The following DLL4 variants were observed in gnomAD, a reference collection of about 807,000 sequenced individuals.
DLL4 encodes delta-like protein 4.
In DLL4, 7 loss-of-function variants were observed where a neutral mutation model predicts 73.6. That is an observed-to-expected ratio of 0.10 (90% confidence interval 0.05 to 0.18). The LOEUF is 0.18. DLL4 is among the 10% of genes least tolerant of loss of function. The pLI is 1.00. For missense variants in DLL4, 614 were observed against 929.9 expected (o/e 0.66, Z 4.42); for synonymous variants, 345 against 374.3 (o/e 0.92, Z 0.90).
At chr15:40,932,028 T>A (rs1270913344) in intron 4 of DLL4, 143 bp from the exon 5 acceptor site, 8 of 1,013,168 alleles carry the variant, frequency 7.9e-6, no homozygotes, top group Admixed American at 2.5e-5. Flanking sequence ...TATTTCACTT[T>A]AAGACACTCG....
Position 40,929,354 on chromosome 15 carries a change from G to T in DLL4, c.-315G>T. ...GCGCAGGTTTCAGTAGCGGCGCTGC[G>T]CGCAGGCCGGGAACACGAGGCCAAG... On this transcript the variant is annotated 5_prime_UTR_variant, in exon 1 of 11. Transcript: ENST00000249749. This position sits in a 1 kb window ranked among gnomAD's most constrained non-coding sequence, Gnocchi z 7.1. 2.5e-6 allele frequency: 1 copy of T among 404,246 alleles called. No individual in the cohort carries two copies. The highest frequency in any genetic ancestry group is 3.9e-5 in the East Asian group (1 of 25,940). The allele number at this position is 404,246 out of a possible 1,614,324, so 25.0% of individuals were successfully genotyped here.
chr15:40,931,935 C>T (rs551222020), intron 4 of DLL4, among the ~76,000 whole-genome samples, 169 bp downstream of exon 4: 3 of 152,324 alleles, frequency 2.0e-5, no homozygotes, highest in South Asian at 4.1e-4. Flanking sequence ...TGTCTCTTCC[C>T]AGTGCTCCTC....
intron 3 of DLL4, chr15:40,931,134 C>T (rs1029931274): frequency 2.6e-5 from 10 of 381,510 alleles, no homozygotes; most frequent in Non-Finnish European, 4.3e-5. Flanking sequence ...CACCAAAGGA[C>T]CCCCTGCTCC....
Position 40,929,558 on chromosome 15 carries a change from G to A in DLL4, c.-111G>A. The stretch of plus-strand genomic sequence containing the variant: ...AGGCCAAAGGGGAGCAGCGTCCCGA[G>A]AGGAGCGCCTCTTTTCAGGGACCCC... On this transcript the variant is annotated 5_prime_UTR_variant, in exon 1 of 11. Transcript: ENST00000249749. This position sits in a 1 kb window ranked among gnomAD's most constrained non-coding sequence, Gnocchi z 7.1. 1 of 1,016,250 alleles carries A rather than the reference G, an allele frequency of 9.8e-7. No homozygotes were observed. Among genetic ancestry groups the A allele is most frequent in the South Asian group, 1.7e-5 (1 of 59,214 alleles). The allele number at this position is 1,016,250 out of a possible 1,614,324, so 63.0% of individuals were successfully genotyped here. A position where few individuals can be genotyped will look rare whatever the true frequency, so the allele number is the denominator to read the frequency against.
intron 6 of DLL4, among the ~76,000 whole-genome samples, chr15:40,933,296 G>GTGTC (rs1340815378): frequency 4.6e-5 from 7 of 151,860 alleles, no homozygotes; most frequent in African/African-American, 1.7e-4. Flanking sequence ...GTGTGTGTGT[G>GTGTC]TGTCTGTCCC....
rs933591400 is a variant in DLL4 at position 40,935,025 on chromosome 15, G to A, written c.1148G>A (p.Gly383Glu). ...NGGSCRERNQGANYACECPPN... is the reference protein window; with the variant it reads ...NGGSCRERNQEANYACECPPN... ...GGCTCCTGCCGGGAGCGCAACCAGG[G>A]GGCCAACTATGCTTGTGAATGTCCC... The change falls in exon 8 of 11, where the codon GGG (glycine) becomes GAG (glutamate). Residue 383 changes from glycine (G) to glutamate (E), a missense_variant. By Grantham distance (98) the Gly-to-Glu change is moderately conservative (BLOSUM62 -2). Transcript: ENST00000249749. 2 of 1,613,428 alleles carry A rather than the reference G, an allele frequency of 1.2e-6. No individual in the cohort carries two copies. Among genetic ancestry groups the A allele is most frequent in the African/African-American group, 2.7e-5 (2 of 74,920 alleles).
In DLL4 at chr15:40,930,054, C is replaced by G; in HGVS notation, c.274C>G (p.Arg92Gly). ...ATTGGGCACCAACTCCTTCGCTGTC[C>G]GGGACGACAGTAGCGGCGGGGGGCG... ...PVLGTNSFAVRDDSSGGGRNP... is the reference protein window; with the variant it reads ...PVLGTNSFAVGDDSSGGGRNP... The change falls in exon 2 of 11, where the codon CGG becomes GGG. Residue 92 changes from arginine to glycine, a missense_variant. By Grantham distance (125) the Arg-to-Gly change is moderately radical. Around this residue, in one of 3 missense-constraint regions of DLL4, gnomAD observed 227 missense variants for 370.8 expected, o/e 0.61. Transcript: ENST00000249749. The surrounding 1 kb of genome is among the most constrained non-coding windows in gnomAD (Gnocchi z 5.7). The G allele has an allele frequency of 6.2e-7, 1 of 1,612,666 alleles. No individual in the cohort carries two copies. The highest frequency in any genetic ancestry group is 1.1e-5 in the South Asian group (1 of 90,964).
chr15:40,937,898 G>C (rs1892867703), intron 10 of DLL4, 131 bp from the exon 11 acceptor site: 1 of 1,070,642 alleles, frequency 9.3e-7, no homozygotes, highest in African/African-American at 1.6e-5. Flanking sequence ...GCCGAAGACT[G>C]GGGAGGACTG....
In DLL4 at chr15:40,930,803, G is replaced by A; in HGVS notation, c.394+121G>A. The A allele has an allele frequency of 9.8e-7, 1 of 1,018,094 alleles. No individual in the cohort carries two copies. The highest frequency in any genetic ancestry group is 1.5e-6 in the Non-Finnish European group (1 of 679,924). The allele number at this position is 1,018,094 out of a possible 1,614,324, so 63.1% of individuals were successfully genotyped here. ...GGAGGCAGGACGCTTAGCTTGGCCT[G>A]GAGCTGCGCCCCGCGCTGGACGCTC... On this transcript the variant is annotated intron_variant, in intron 3 of 10. Coordinates refer to ENST00000249749, the MANE Select transcript of DLL4 (RefSeq NM_019074.4). The surrounding 1 kb of genome is among the most constrained non-coding windows in gnomAD (Gnocchi z 5.7).
chr15:40,931,581 A>T lies in DLL4; in HGVS notation c.473A>T (p.Asp158Val), dbSNP rs773663320. 6.2e-7 allele frequency: 1 copy of T among 1,612,498 alleles called. No individual in the cohort carries two copies. The highest frequency in any genetic ancestry group is 1.7e-4 in the Middle Eastern group (1 of 6,056). The change falls in exon 4 of 11, where the codon GAT (aspartate) becomes GTT (valine). Residue 158 changes from aspartate to valine, a missense_variant. By Grantham distance (152) the Asp-to-Val change is radical. Coordinates refer to ENST00000249749, the MANE Select transcript of DLL4 (RefSeq NM_019074.4). The stretch of plus-strand genomic sequence containing the variant: ...GCTGTGGGTCAGAACTGGTTATTGG[A>T]TGAGCAAACCAGCACCCTCACAAGG... ...SLAVGQNWLL[D>V]EQTSTLTRLR...
At position 40,938,097 on chromosome 15, in the gene DLL4, T is replaced by A; in HGVS notation, c.*63T>A. 1 of 1,476,712 alleles carries A rather than the reference T, an allele frequency of 6.8e-7. No homozygotes were observed. Among genetic ancestry groups the A allele is most frequent in the Non-Finnish European group, 9.0e-7 (1 of 1,110,138 alleles). 91.5% of individuals were successfully genotyped at this position (1,476,712 alleles called of 1,614,324 possible). A position where few individuals can be genotyped will look rare whatever the true frequency, so the allele number is the denominator to read the frequency against. On this transcript the variant is annotated 3_prime_UTR_variant, in exon 11 of 11. Transcript: ENST00000249749. The stretch of plus-strand genomic sequence containing the variant: ...GGCTGGACCTTCCTTCTGCATTGTT[T>A]ACATTGCATCCTGGATGGGACGTTT...
At chr15:40,934,423 G>A in intron 6 of DLL4, 125 bp from the exon 7 acceptor site, 1 of 797,318 alleles carries the variant, frequency 1.3e-6, no homozygotes, top group East Asian at 2.9e-5. Flanking sequence ...AAGGATGTTT[G>A]GGCCTGGGAG....
At chr15:40,937,599 G>A in intron 10 of DLL4, 73 bp downstream of exon 10, 1 of 1,131,466 alleles carries the variant, frequency 8.8e-7, no homozygotes, top group South Asian at 1.2e-5. Context: ...TGACCCATGG[G>A]CCATTCCTGA....
At position 40,929,746 on chromosome 15, in the gene DLL4, C is replaced by A; in HGVS notation, c.66+12C>A. 6.3e-7 allele frequency: 1 copy of A among 1,599,426 alleles called. No individual in the cohort carries two copies. The highest frequency in any genetic ancestry group is 2.2e-5 in the East Asian group (1 of 44,474). On this transcript the variant is annotated intron_variant, in intron 1 of 10. Transcript: ENST00000249749. The surrounding 1 kb of genome is among the most constrained non-coding windows in gnomAD (Gnocchi z 7.1). ...CACTTTGGCAGCAGGTAACACGTCC[C>A]GCGCCCTCTCCGTCCCCTCTGCCGC...
rs192732548 is a variant in DLL4 at position 40,931,099 on chromosome 15, T to C, written c.395-404T>C. On this transcript the variant is annotated intron_variant, in intron 3 of 10. Transcript: ENST00000249749. ...GGAAAAAAGAAAACCATTACCCACC[T>C]CTGGAGGCAGAACCCCTGAATGGGC... 593 of 371,230 alleles carry C rather than the reference T, an allele frequency of 1.6e-3. 3 individuals are homozygous for C. The highest frequency in any genetic ancestry group is 0.011 in the African/African-American group (535 of 48,368). 23.0% of individuals were successfully genotyped at this position (371,230 alleles called of 1,614,324 possible).
Position 40,938,398 on chromosome 15 carries a change from C to T in DLL4, c.*364C>T, listed in dbSNP as rs573562548. ...TGGGGCCCGGAGCTGCTGTGGCCTC[C>T]ACTGGCATCCGTGTTTCCAAAAGTG... On this transcript the variant is annotated 3_prime_UTR_variant, in exon 11 of 11. Coordinates refer to ENST00000249749, the MANE Select transcript of DLL4 (RefSeq NM_019074.4). The T allele has an allele frequency of 1.0e-4, 21 of 206,216 alleles. No individual in the cohort carries two copies. Among genetic ancestry groups the T allele is most frequent in the African/African-American group, 4.8e-4 (21 of 43,552 alleles). 12.8% of individuals were successfully genotyped at this position (206,216 alleles called of 1,614,324 possible). A position where few individuals can be genotyped will look rare whatever the true frequency, so the allele number is the denominator to read the frequency against.
In DLL4 at chr15:40,938,043, C is replaced by T. The variant is rs1003558729; in HGVS notation, c.*9C>T. 28 of 1,576,542 alleles carry T rather than the reference C, an allele frequency of 1.8e-5. No homozygotes were observed. Among genetic ancestry groups the T allele is most frequent in the Non-Finnish European group, 2.4e-5 (28 of 1,163,540 alleles). On this transcript the variant is annotated 3_prime_UTR_variant, in exon 11 of 11. Transcript: ENST00000249749. The stretch of plus-strand genomic sequence containing the variant: ...CTTGCTCCCAGGTATAAGGCAGGAG[C>T]CTACCTGGACATCCCTGCTCAGCCC...
rs765796727 is a variant in DLL4, at chr15:40,929,762, C to T, written c.66+28C>T. On this transcript the variant is annotated intron_variant, in intron 1 of 10. Transcript: ENST00000249749. This position sits in a 1 kb window ranked among gnomAD's most constrained non-coding sequence, Gnocchi z 7.1. ...AACACGTCCCGCGCCCTCTCCGTCC[C>T]CTCTGCCGCGCTCTGGGCCTCAGCC... 1.2e-6 allele frequency: 2 copies of T among 1,601,438 alleles called. No homozygotes were observed. Among genetic ancestry groups the T allele is most frequent in the Non-Finnish European group, 1.7e-6 (2 of 1,177,056 alleles).
Position 40,930,566 on chromosome 15 carries a change from C to G in DLL4, c.337-59C>G. ...ATTAAACAGGCTGCCGCAAGGCACCCCCACCTCTCCCCGCTTGCTCATCTC... is the reference window on the plus strand; with the variant it reads ...ATTAAACAGGCTGCCGCAAGGCACCGCCACCTCTCCCCGCTTGCTCATCTC... On this transcript the variant is annotated intron_variant, in intron 2 of 10. Coordinates refer to ENST00000249749, the MANE Select transcript of DLL4 (RefSeq NM_019074.4). The surrounding 1 kb of genome is among the most constrained non-coding windows in gnomAD (Gnocchi z 5.7). The G allele has an allele frequency of 7.0e-7, 1 of 1,429,444 alleles. No individual in the cohort carries two copies. The highest frequency in any genetic ancestry group is 2.3e-5 in the East Asian group (1 of 43,628). The allele number at this position is 1,429,444 out of a possible 1,614,324, so 88.5% of individuals were successfully genotyped here. A position where few individuals can be genotyped will look rare whatever the true frequency, so the allele number is the denominator to read the frequency against.
Sources: allele counts gnomAD v4.1 joint callset (sites outside exome capture counted in the v4.1 genomes callset), GRCh38; gene constraint gnomAD v4.1.1; regional missense constraint gnomAD v4.1.1; non-coding constraint Gnocchi (gnomAD v3.1); transcripts MANE v1.5; gene names NCBI Gene and HGNC (gene_info 2026-07-23, HGNC 2026-07-21).